The following PALLD variants were observed in gnomAD, a reference collection of about 807,000 sequenced individuals.
The protein encoded by PALLD is palladin, cytoskeletal associated protein, also known as palladin.
In PALLD, 61 loss-of-function variants were observed where a neutral mutation model predicts 123.5. That is an observed-to-expected ratio of 0.49 (90% CI 0.40 to 0.61). The LOEUF (loss-of-function observed/expected upper bound fraction) is 0.61, where lower values mean the gene tolerates loss of function less well. PALLD is among the 20% of genes least tolerant of loss of function. The pLI, the probability that PALLD is intolerant of heterozygous loss-of-function variation, is 0.00. For missense variants in PALLD, 1,273 were observed against 1,377.0 expected, an observed-to-expected ratio of 0.92 and a Z score of 1.20; for synonymous variants, 465 against 496.4, an observed-to-expected ratio of 0.94 and a Z score of 0.84.
rs1762604026 is a variant in PALLD, at chr4:168,512,415, A to G, written c.908+3A>G. On this transcript the variant is annotated splice_donor_region_variant and intron_variant, in intron 2 of 21. Coordinates refer to ENST00000505667, the MANE Select transcript of PALLD (RefSeq NM_001166108.2). ...GGAAACCCCACTCCTCGAGTCAGGT[A>G]TGAATTTTTGTATTATGCATAGCAA... 6.2e-7 allele frequency: 1 copy of G among 1,612,292 alleles called. No homozygotes were observed. The highest frequency in any genetic ancestry group is 8.5e-7 in the Non-Finnish European group (1 of 1,179,330).
intron 10 of PALLD, among the ~76,000 whole-genome samples, chr4:168,762,539 G>A (rs995282465): frequency 1.6e-4 from 24 of 152,222 alleles, no homozygotes; most frequent in Admixed American, 6.5e-5. Context: ...ATGCTGGAGA[G>A]GATGTGGAGA....
At chr4:168,629,798 A>G (rs537372593) in intron 2 of PALLD, among the ~76,000 whole-genome samples, 24 of 152,196 alleles carry the variant, frequency 1.6e-4, no homozygotes, top group Non-Finnish European at 3.4e-4. Context: ...TTTCAGTAAC[A>G]TTTGACACCA....
intron 10 of PALLD, among the ~76,000 whole-genome samples, chr4:168,809,301 A>C (rs1740700601): frequency 6.8e-6 from 1 of 147,362 alleles, no homozygotes; most frequent in African/African-American, 2.5e-5. Flanking sequence ...CTTTTATTTA[A>C]ATTTTCCCTT....
intron 10 of PALLD, among the ~76,000 whole-genome samples, chr4:168,777,857 C>A (rs1469858454): frequency 6.6e-6 from 1 of 152,202 alleles, no homozygotes; most frequent in Admixed American, 6.5e-5. Flanking sequence ...AATGAGCACT[C>A]ACTTCTTGGG....
intron 10 of PALLD, among the ~76,000 whole-genome samples, chr4:168,754,438 G>A (rs749309341): frequency 8.5e-5 from 13 of 152,300 alleles, no homozygotes; most frequent in Non-Finnish European, 1.6e-4. Flanking sequence ...GTGCTATACA[G>A]TAAAATTGCT....
intron 8 of PALLD, 135 bp from the exon 9 acceptor site, chr4:168,708,893 G>A: frequency 1.2e-6 from 1 of 839,174 alleles, no homozygotes; most frequent in East Asian, 2.5e-5. Context: ...AGATTCTATT[G>A]TAAACACTTT....
chr4:168,778,682 T>C (rs1002547774), intron 10 of PALLD, among the ~76,000 whole-genome samples: 1 of 152,238 alleles, frequency 6.6e-6, no homozygotes, highest in African/African-American at 2.4e-5. Flanking sequence ...CATTTATGCC[T>C]TACTTGCGTA....
At chr4:168,625,162 T>C (rs1049668958) in intron 2 of PALLD, among the ~76,000 whole-genome samples, 11 of 151,854 alleles carry the variant, frequency 7.2e-5, no homozygotes, top group Non-Finnish European at 1.3e-4. Context: ...TAAGAAAATA[T>C]TAAAAATTAA....
chr4:168,544,685 A>G (rs900529549), intron 2 of PALLD, among the ~76,000 whole-genome samples: 6 of 152,260 alleles, frequency 3.9e-5, no homozygotes, highest in African/African-American at 1.4e-4. Context: ...CAGCATTTGT[A>G]GAAAATTTTA....
chr4:168,912,869 G>A (rs1031390508), intron 15 of PALLD, among the ~76,000 whole-genome samples: 4 of 151,876 alleles, frequency 2.6e-5, no homozygotes, highest in Non-Finnish European at 5.9e-5. Flanking sequence ...CTATCTCCCC[G>A]ACCCCACCAC....
chr4:168,770,627 C>A (rs974970667), intron 10 of PALLD, among the ~76,000 whole-genome samples: 3 of 152,232 alleles, frequency 2.0e-5, no homozygotes, highest in Non-Finnish European at 4.4e-5. Flanking sequence ...TTGTTCTACC[C>A]TCTCCAAAGT....
chr4:168,832,213 T>C (rs1744339164), intron 10 of PALLD: 1 of 984,500 alleles, frequency 1.0e-6, no homozygotes, highest in Non-Finnish European at 1.2e-6. Context: ...GGAAGAAATG[T>C]GTGAATTAAA....
chr4:168,926,225 A>G lies in PALLD; in HGVS notation c.*45A>G. 6.5e-7 allele frequency: 1 copy of G among 1,533,876 alleles called. No individual in the cohort carries two copies. The highest frequency in any genetic ancestry group is 1.4e-5 in the African/African-American group (1 of 73,086). The stretch of plus-strand genomic sequence containing the variant: ...TTTTTCTTTGTAGCCCAGTGGCATC[A>G]GCAGTCACAGAGCACCAAGCCAAAA... On this transcript the variant is annotated 3_prime_UTR_variant, in exon 22 of 22. Coordinates refer to ENST00000505667, the MANE Select transcript of PALLD (RefSeq NM_001166108.2).
chr4:168,716,718 A>G (rs75550398), intron 10 of PALLD, among the ~76,000 whole-genome samples: 1,557 of 152,378 alleles, frequency 0.01, 28 homozygotes, highest in African/African-American at 0.035. Flanking sequence ...AAAGTAAAGT[A>G]CATCTTAATA....
chr4:168,707,277 T>C (rs550448687), intron 8 of PALLD, among the ~76,000 whole-genome samples: 1 of 152,316 alleles, frequency 6.6e-6, no homozygotes, highest in Non-Finnish European at 1.5e-5. Flanking sequence ...TTTAGTTGCT[T>C]AAAGCAGCAA....
Position 168,690,687 on chromosome 4 carries a change from T to C in PALLD, c.1420T>C (p.Trp474Arg). The part of the protein sequence containing the change: ...VRGAPPLQVQ[W>R]FRQGSEIQDS... ...TGGGGCACCCCCTCTGCAGGTCCAG[T>C]GGTTTCGGCAAGGGAGTGAAATCCA... The change falls in exon 7 of 22, where the codon TGG becomes CGG. Residue 474 changes from tryptophan to arginine, a missense_variant. Trp to Arg is a moderately radical substitution (Grantham distance 101). Around this residue, in one of 2 missense-constraint regions of PALLD, gnomAD observed 944 missense variants for 954.5 expected, o/e 0.99. Transcript: ENST00000505667. The C allele has an allele frequency of 6.2e-7, 1 of 1,614,176 alleles. No individual in the cohort carries two copies. Among genetic ancestry groups the C allele is most frequent in the Non-Finnish European group, 8.5e-7 (1 of 1,180,014 alleles).
intron 5 of PALLD, among the ~76,000 whole-genome samples, chr4:168,683,313 T>G (rs1479158411): frequency 6.6e-6 from 1 of 152,224 alleles, no homozygotes; most frequent in Non-Finnish European, 1.5e-5. Flanking sequence ...TGCCAATTAG[T>G]CAACATTTGC....
At chr4:168,758,716 C>T (rs1236083776) in intron 10 of PALLD, among the ~76,000 whole-genome samples, 12 of 151,974 alleles carry the variant, frequency 7.9e-5, no homozygotes, top group Non-Finnish European at 8.8e-5. Flanking sequence ...CTTGTAACCA[C>T]GAACAGTAAA....
rs145224129 is a variant in PALLD at position 168,736,177 on chromosome 4, A to G, written c.1964+24254A>G. ...TTGCTTTTGTTTTTCCTTTCTCAAA[A>G]ATGGCCTCATTTTGTGAAAACAAAG... On this transcript the variant is annotated intron_variant, in intron 10 of 21. Coordinates refer to ENST00000505667, the MANE Select transcript of PALLD (RefSeq NM_001166108.2). Among the ~76,000 whole-genome samples the G allele has an allele frequency of 8.3e-4, 127 of 152,322 alleles. 1 individual carries two copies. The East Asian group carries it at 0.019, about 23-fold the overall frequency.
Sources: allele counts gnomAD v4.1 joint callset (sites outside exome capture counted in the v4.1 genomes callset), GRCh38; gene constraint gnomAD v4.1.1; regional missense constraint gnomAD v4.1.1; transcripts MANE v1.5; gene names NCBI Gene and HGNC (gene_info 2026-07-23, HGNC 2026-07-21).